TRAP1: variants seen among roughly 807,000 people sequenced by gnomAD.
TRAP1 encodes the protein heat shock protein 75 kDa, mitochondrial.
A neutral mutation model predicts 89.1 loss-of-function variants in TRAP1; 102 were observed. The observed-to-expected ratio is 1.15, with a 90% CI of 0.98 to 1.35. The LOEUF (loss-of-function observed/expected upper bound fraction) is 1.35, where lower values mean the gene tolerates loss of function less well. Ranked by LOEUF, TRAP1 falls within the 40% of genes most tolerant of loss-of-function variation. The probability of loss-of-function intolerance (pLI) is 0.00; values close to 1 mark genes in which losing one functional copy is unlikely to be tolerated. For missense variants in TRAP1, 1,256 were observed against 945.3 expected (o/e 1.33, Z -4.31); for synonymous variants, 508 against 388.0 (o/e 1.31, Z -3.64).
chr16:3,666,233 G>C, intron 11 of TRAP1, 115 bp from the exon 12 acceptor site: 1 of 1,338,750 alleles, frequency 7.5e-7, no homozygotes, highest in Non-Finnish European at 1.0e-6. Context: ...AAAACAACAA[G>C]GTACCGTTAT....
intron 4 of TRAP1, among the ~76,000 whole-genome samples, chr16:3,680,965 G>C (rs1377835809): frequency 6.6e-6 from 1 of 152,130 alleles, no homozygotes; most frequent in African/African-American, 2.4e-5. Flanking sequence ...CCCAGTCTAA[G>C]GTATTCGGCT....
Position 3,663,421 on chromosome 16 carries a change from G to C in TRAP1, c.1708+3C>G. 6.2e-7 allele frequency: 1 copy of C among 1,614,024 alleles called. No homozygotes were observed. The highest frequency in any genetic ancestry group is 8.5e-7 in the Non-Finnish European group (1 of 1,179,986). On this transcript the variant is annotated splice_donor_region_variant and intron_variant, in intron 14 of 17. Transcript: ENST00000246957. ...CCACGCCTAGAGAGCAGGGGATGCC[G>C]ACCTGGGGACCTGTCCTCAAACTTC...
chr16:3,679,874 G>A, intron 4 of TRAP1, 84 bp from the exon 5 acceptor site: 1 of 1,380,148 alleles, frequency 7.2e-7, no homozygotes, highest in Non-Finnish European at 1.0e-6. Context: ...GGACTCAAGT[G>A]GTGTCAATGA....
chr16:3,662,218 A>G, intron 15 of TRAP1, 86 bp from the exon 16 acceptor site: 2 of 1,503,970 alleles, frequency 1.3e-6, no homozygotes, highest in Admixed American at 4.0e-5. Context: ...AAGGTCACCC[A>G]GACCACGAGG....
intron 4 of TRAP1, among the ~76,000 whole-genome samples, chr16:3,685,762 A>C (rs1346041499): frequency 6.6e-6 from 1 of 152,230 alleles, no homozygotes; most frequent in Non-Finnish European, 1.5e-5. Flanking sequence ...AGATGTTACC[A>C]GTAGTTATTG....
chr16:3,660,563 T>C (rs543936622), intron 16 of TRAP1: 13 of 152,308 alleles, frequency 8.5e-5, no homozygotes, highest in African/African-American at 3.1e-4. Context: ...AGTGACCTGG[T>C]GTCCGCCTCA....
At chr16:3,682,406 A>AT (rs36030856) in intron 4 of TRAP1, among the ~76,000 whole-genome samples, 1 of 150,460 alleles carries the variant, frequency 6.6e-6, no homozygotes, top group East Asian at 2.0e-4. Context: ...AAAAAAAAAA[A>AT]TTTCTCGCTC....
chr16:3,712,324 T>G (rs898507437), intron 1 of TRAP1, among the ~76,000 whole-genome samples: 1 of 134,032 alleles, frequency 7.5e-6, no homozygotes, highest in Admixed American at 7.8e-5. Flanking sequence ...AAAAAAGATA[T>G]GTCAGCATTT....
At position 3,686,115 on chromosome 16, in the gene TRAP1, A is replaced by C. The variant is rs1281245946; in HGVS notation, c.352T>G (p.Ser118Ala). ...TTTTCCAAGGCATCGCTGGCATTGG[A>C]GATCAGCTCCCGTATAAACACCTAC... is the stretch of plus-strand genomic sequence containing the variant. ...EKEVFIRELI[S>A]NASDALEKLR... The change falls in exon 4 of 18, where the codon TCC becomes GCC. Residue 118 changes from serine (S) to alanine (A), a missense_variant. By Grantham distance (99) the Ser-to-Ala change is moderately conservative. Coordinates refer to ENST00000246957, the MANE Select transcript of TRAP1 (RefSeq NM_016292.3). 3 of 1,614,004 alleles carry C rather than the reference A, an allele frequency of 1.9e-6. No individual in the cohort carries two copies. In the South Asian group the frequency reaches 3.3e-5, roughly 18 times the overall value.
rs1717335925 is a variant in TRAP1, at chr16:3,697,013, A to C, written c.89-6028T>G. ...AGCGCTGGGATTAGAGCCGTAAGAC[A>C]CCACGCCCAGCCTAAGGTTATGTAT... On this transcript the variant is annotated intron_variant, in intron 1 of 17. Transcript: ENST00000246957. Among the ~76,000 whole-genome samples the C allele has an allele frequency of 2.0e-5, 3 of 152,260 alleles. No individual in the cohort carries two copies. The South Asian group carries it at 6.2e-4, about 32-fold the overall frequency.
At chr16:3,697,348 T>C (rs1336880899) in intron 1 of TRAP1, among the ~76,000 whole-genome samples, 1 of 152,122 alleles carries the variant, frequency 6.6e-6, no homozygotes, top group Non-Finnish European at 1.5e-5. Flanking sequence ...TTCTTATTGA[T>C]TTGTAAGAGC....
chr16:3,658,918 C>G (rs2042893701), intron 16 of TRAP1, 53 bp from the exon 17 acceptor site: 4 of 1,578,136 alleles, frequency 2.5e-6, no homozygotes, highest in Admixed American at 1.7e-5. Flanking sequence ...TGCTGTGACC[C>G]TCCCTTCATG....
At position 3,690,877 on chromosome 16, in the gene TRAP1, T is replaced by A; in HGVS notation, c.197A>T (p.Asp66Val). The A allele has an allele frequency of 6.3e-7, 1 of 1,584,860 alleles. No homozygotes were observed. The highest frequency in any genetic ancestry group is 8.6e-7 in the Non-Finnish European group (1 of 1,165,814). ...AATCGAGTGCAGGGGTTCCTCCTTG[T>A]CCTCGGCGGTCTGCGTGCTGAACAG... is the stretch of plus-strand genomic sequence containing the variant. ...GRLFSTQTAE[D>V]KEEPLHSIIS... The change falls in exon 2 of 18, where the codon GAC becomes GTC. Residue 66 changes from aspartate to valine, a missense_variant. Coordinates refer to ENST00000246957, the MANE Select transcript of TRAP1 (RefSeq NM_016292.3).
At chr16:3,679,886 A>G in intron 4 of TRAP1, 96 bp from the exon 5 acceptor site, 1 of 1,244,728 alleles carries the variant, frequency 8.0e-7, no homozygotes, top group Non-Finnish European at 1.2e-6. Flanking sequence ...TGTCAATGAC[A>G]TTGGCCAGAC....
chr16:3,681,592 T>C (rs1043074655), intron 4 of TRAP1, among the ~76,000 whole-genome samples: 1 of 152,240 alleles, frequency 6.6e-6, no homozygotes, highest in South Asian at 2.1e-4. Flanking sequence ...GATTCATTTA[T>C]TGTAGATCAT....
intron 1 of TRAP1, among the ~76,000 whole-genome samples, chr16:3,703,066 AG>A (rs1439329735): frequency 2.7e-5 from 4 of 146,232 alleles, no homozygotes; most frequent in African/African-American, 5.4e-5. Context: ...AAAAAAAAAA[AG>A]CATTCAGTAA....
intron 1 of TRAP1, among the ~76,000 whole-genome samples, chr16:3,700,600 G>A (rs1311829029): frequency 3.3e-5 from 5 of 151,916 alleles, no homozygotes; most frequent in Admixed American, 6.6e-5. Context: ...CGAGTAGCTG[G>A]GACTACAGAT....
chr16:3,699,629 CAAAAA>C (rs35602361), intron 1 of TRAP1, among the ~76,000 whole-genome samples: 14 of 72,056 alleles, frequency 1.9e-4, no homozygotes, highest in Non-Finnish European at 5.5e-5. Context: ...AACTCCGTCT[CAAAAA>C]AAAAAAAAAA....
intron 6 of TRAP1, 101 bp from the exon 7 acceptor site, chr16:3,676,246 A>G (rs952827459): frequency 9.3e-6 from 8 of 857,906 alleles, no homozygotes; most frequent in Non-Finnish European, 1.5e-5. Flanking sequence ...GCAGAGCCCA[A>G]ACAACACACA....
Sources: allele counts gnomAD v4.1 joint callset (sites outside exome capture counted in the v4.1 genomes callset), GRCh38; gene constraint gnomAD v4.1.1; transcripts MANE v1.5; gene names NCBI Gene and HGNC (gene_info 2026-07-23, HGNC 2026-07-21).